SYTL1: variants seen among roughly 807,000 people sequenced by gnomAD.
SYTL1 encodes synaptotagmin-like protein 1.
In SYTL1, 53 loss-of-function variants were observed where a neutral mutation model predicts 74.6. That is an observed-to-expected ratio of 0.71 (90% CI 0.57 to 0.89). The LOEUF is 0.89. Ranked by LOEUF, SYTL1 falls within the 40% of genes least tolerant of loss-of-function variation. SYTL1 has a pLI of 0.00. For synonymous variants in SYTL1, 329 were observed against 324.9 expected (o/e 1.01, Z -0.14); for missense variants, 728 against 768.7 (o/e 0.95, Z 0.63).
rs1205371241 is a variant in SYTL1, at chr1:27,350,358, C to A, written c.909-31C>A. 1 of 1,590,112 alleles carries A rather than the reference C, an allele frequency of 6.3e-7. No homozygotes were observed. The highest frequency in any genetic ancestry group is 8.6e-7 in the Non-Finnish European group (1 of 1,158,382). On this transcript the variant is annotated intron_variant, in intron 9 of 14. Transcript: ENST00000616558. The surrounding 1 kb of genome is among the most constrained non-coding windows in gnomAD (Gnocchi z 6.3). Reference sequence around the variant, plus strand: ...GCAGGGGAGAAGGCTCTGGGAGGGCCCCTCCTCACCTCGGGTTCTCACCTC... The same window carrying A: ...GCAGGGGAGAAGGCTCTGGGAGGGCACCTCCTCACCTCGGGTTCTCACCTC...
chr1:27,349,887 A>T (rs2015177177), intron 8 of SYTL1, 85 bp from the exon 9 acceptor site: 2 of 1,538,158 alleles, frequency 1.3e-6, no homozygotes, highest in African/African-American at 2.7e-5. Context: ...GCCACCTATG[A>T]CCCGGGTCTG....
At position 27,347,468 on chromosome 1, in the gene SYTL1, C is replaced by T. The variant is rs752366338; in HGVS notation, c.239C>T (p.Thr80Ile). The T allele has an allele frequency of 6.2e-7, 1 of 1,614,132 alleles. No individual in the cohort carries two copies. Among genetic ancestry groups the T allele is most frequent in the South Asian group, 1.1e-5 (1 of 91,092 alleles). The change falls in exon 3 of 15, where the codon ACA (threonine) becomes ATA (isoleucine). Residue 80 changes from threonine (T) to isoleucine (I), a missense_variant. Physicochemically the swap from Thr to Ile is moderately conservative, Grantham distance 89. Coordinates refer to ENST00000616558, the MANE Select transcript of SYTL1 (RefSeq NM_001193308.2). The surrounding 1 kb of genome is among the most constrained non-coding windows in gnomAD (Gnocchi z 4.9). Reference sequence around the variant, plus strand: ...GACCCTGGGCAGCTGAAGATCCTGACAGGGGACTGGTTCCAGGAAGCACGC... The same window carrying T: ...GACCCTGGGCAGCTGAAGATCCTGATAGGGGACTGGTTCCAGGAAGCACGC... The part of the protein sequence containing the change: ...VADPGQLKIL[T>I]GDWFQEARSQ...
In SYTL1 at chr1:27,348,888, G is replaced by A. The variant is rs1163461787; in HGVS notation, c.460-192G>A. 6.6e-6 allele frequency among the ~76,000 whole-genome samples: 1 copy of A among 152,208 alleles called. No individual in the cohort carries two copies. The highest frequency in any genetic ancestry group is 1.5e-5 in the Non-Finnish European group (1 of 68,038). On this transcript the variant is annotated intron_variant, in intron 5 of 14. Coordinates refer to ENST00000616558, the MANE Select transcript of SYTL1 (RefSeq NM_001193308.2). The surrounding 1 kb of genome is among the most constrained non-coding windows in gnomAD (Gnocchi z 4.1). ...GGGAGTAGGGAGTCAGGCGGCACAAGCCCTGCGGGGTGGGCTGTGAAGCAC... is the reference window on the plus strand; with the variant it reads ...GGGAGTAGGGAGTCAGGCGGCACAAACCCTGCGGGGTGGGCTGTGAAGCAC...
chr1:27,350,419 G>A lies in SYTL1; in HGVS notation c.939G>A (p.Lys313=), dbSNP rs755002301. The change falls in exon 10 of 15, where the codon AAG becomes AAA. Residue 313 remains lysine (K), a synonymous_variant. Transcript: ENST00000616558. This position sits in a 1 kb window ranked among gnomAD's most constrained non-coding sequence, Gnocchi z 6.3. ...TCAAAAGCTACCTCCTCCCGGATAAGCAGAGCAAGCGCAAGACGGCGGTGA... is the reference window on the plus strand; with the variant it reads ...TCAAAAGCTACCTCCTCCCGGATAAACAGAGCAAGCGCAAGACGGCGGTGA... ...PYVKSYLLPD[K]QSKRKTAVKK... The A allele has an allele frequency of 8.7e-6, 14 of 1,614,158 alleles. No individual in the cohort carries two copies. Among genetic ancestry groups the A allele is most frequent in the Non-Finnish European group, 1.1e-5 (13 of 1,180,016 alleles).
Position 27,350,010 on chromosome 1 carries a change from G to A in SYTL1, c.786G>A (p.Glu262=). The part of the protein sequence containing the change: ...GSQMSLSGDA[E]AVQVRGSVHF... ...AGATGAGCCTGTCAGGCGACGCGGA[G>A]GCGGTGCAGGTCCGCGGCTCCGTGC... The change falls in exon 9 of 15, where the codon GAG becomes GAA. Residue 262 remains glutamate (E), a synonymous_variant. Coordinates refer to ENST00000616558, the MANE Select transcript of SYTL1 (RefSeq NM_001193308.2). This position sits in a 1 kb window ranked among gnomAD's most constrained non-coding sequence, Gnocchi z 6.3. 1 of 1,561,736 alleles carries A rather than the reference G, an allele frequency of 6.4e-7. No homozygotes were observed. The highest frequency in any genetic ancestry group is 8.6e-7 in the Non-Finnish European group (1 of 1,163,056).
rs199645658 is a variant in SYTL1 at position 27,347,552 on chromosome 1, G to C, written c.323G>C (p.Arg108Thr). Residue 108 changes from arginine (R) to threonine (T), a missense_variant, in exon 3 of 15, where the codon AGG (arginine) becomes ACG (threonine). By Grantham distance (71) the Arg-to-Thr change is moderately conservative. Transcript: ENST00000616558. The surrounding 1 kb of genome is among the most constrained non-coding windows in gnomAD (Gnocchi z 4.9). ...GSDLVRASMR[R>T]KKSTRGDQAP... ...GACCTTGTCCGAGCGTCTATGCGCA[G>C]GAAGAAGAGCACCAGGGGTGAGAGG... 2 of 1,614,050 alleles carry C rather than the reference G, an allele frequency of 1.2e-6. No homozygotes were observed. Among genetic ancestry groups the C allele is most frequent in the East Asian group, 2.2e-5 (1 of 44,884 alleles).
chr1:27,350,867 G>T lies in SYTL1; in HGVS notation c.1079G>T (p.Arg360Leu). 1 of 1,613,844 alleles carries T rather than the reference G, an allele frequency of 6.2e-7. No homozygotes were observed. The highest frequency in any genetic ancestry group is 8.5e-7 in the Non-Finnish European group (1 of 1,180,000). ...GTGTGGCACCGCGAAAGCCTGGGTCGCAACATCTTTCTGGGCGAAGTTGAA... is the reference window on the plus strand; with the variant it reads ...GTGTGGCACCGCGAAAGCCTGGGTCTCAACATCTTTCTGGGCGAAGTTGAA... ...LSVWHRESLG[R>L]NIFLGEVEVP... Residue 360 changes from arginine to leucine, a missense_variant, in exon 11 of 15, where the codon CGC becomes CTC. Physicochemically the swap from Arg to Leu is moderately radical, Grantham distance 102 (BLOSUM62 -2). Coordinates refer to ENST00000616558, the MANE Select transcript of SYTL1 (RefSeq NM_001193308.2). This position sits in a 1 kb window ranked among gnomAD's most constrained non-coding sequence, Gnocchi z 6.3.
chr1:27,351,115 C>A lies in SYTL1; in HGVS notation c.1165-143C>A. ...AAGCCCGGCCGGCCACGGCCCCTTC[C>A]CCGAGGGCGCTAGGACCCCTAGGTT... On this transcript the variant is annotated intron_variant, in intron 11 of 14. Coordinates refer to ENST00000616558, the MANE Select transcript of SYTL1 (RefSeq NM_001193308.2). The surrounding 1 kb of genome is among the most constrained non-coding windows in gnomAD (Gnocchi z 5.0). 1.5e-6 allele frequency: 2 copies of A among 1,312,400 alleles called. No individual in the cohort carries two copies. Among genetic ancestry groups the A allele is most frequent in the South Asian group, 1.4e-5 (1 of 71,220 alleles). The allele number at this position is 1,312,400 out of a possible 1,614,324, so 81.3% of individuals were successfully genotyped here.
Position 27,347,841 on chromosome 1 carries a change from A to T in SYTL1, c.374A>T (p.Glu125Val), listed in dbSNP as rs761518630. The T allele has an allele frequency of 4.5e-5, 73 of 1,613,866 alleles. No homozygotes were observed. Among genetic ancestry groups the T allele is most frequent in the Non-Finnish European group, 5.8e-5 (69 of 1,179,936 alleles). Reference protein sequence around the residue: ...DQAPGHDREAEAAVKEKEEGP... With the variant: ...DQAPGHDREAVAAVKEKEEGP... ...GCTCCAGGCCACGACAGGGAGGCTG[A>T]GGCTGCTGTGAAAGAGAAGGAAGAG... Residue 125 changes from glutamate to valine, a missense_variant, in exon 4 of 15, where the codon GAG (glutamate) becomes GTG (valine). By Grantham distance (121) the Glu-to-Val change is moderately radical (BLOSUM62 -2). Transcript: ENST00000616558. The surrounding 1 kb of genome is among the most constrained non-coding windows in gnomAD (Gnocchi z 4.9).
At position 27,345,214 on chromosome 1, in the gene SYTL1, T is replaced by G. The variant is rs928760959; in HGVS notation, c.-38-83T>G. On this transcript the variant is annotated intron_variant, in intron 1 of 14. Transcript: ENST00000616558. The surrounding 1 kb of genome is among the most constrained non-coding windows in gnomAD (Gnocchi z 6.0). ...GGCACCCTACCCATACCCGGCCAAG[T>G]GTTTGGGGAGAAAAGGGCTGTTGGT... 1.4e-5 allele frequency: 10 copies of G among 739,858 alleles called. No individual in the cohort carries two copies. Among genetic ancestry groups the G allele is most frequent in the South Asian group, 2.3e-5 (1 of 44,344 alleles). The allele number at this position is 739,858 out of a possible 1,614,324, so 45.8% of individuals were successfully genotyped here.
In SYTL1 at chr1:27,342,470, A is replaced by G; in HGVS notation, c.-39+320A>G. On this transcript the variant is annotated intron_variant, in intron 1 of 14. Transcript: ENST00000616558. This position sits in a 1 kb window ranked among gnomAD's most constrained non-coding sequence, Gnocchi z 4.7. The stretch of plus-strand genomic sequence containing the variant: ...CATGGCCCAGCTCAGGCAGGCCTGA[A>G]GGACAGAAATAGGCTCAGTTCTGCC... The G allele has an allele frequency of 2.9e-6, 1 of 349,590 alleles. No homozygotes were observed. Among genetic ancestry groups the G allele is most frequent in the Non-Finnish European group, 4.0e-6 (1 of 248,646 alleles). The allele number at this position is 349,590 out of a possible 1,614,324, so 21.7% of individuals were successfully genotyped here.
chr1:27,351,099 C>G lies in SYTL1; in HGVS notation c.1164+147C>G. On this transcript the variant is annotated intron_variant, in intron 11 of 14. Coordinates refer to ENST00000616558, the MANE Select transcript of SYTL1 (RefSeq NM_001193308.2). This position sits in a 1 kb window ranked among gnomAD's most constrained non-coding sequence, Gnocchi z 5.0. ...CTCATGGCCCCAGGCGAAGCCCGGC[C>G]GGCCACGGCCCCTTCCCCGAGGGCG... 1 of 1,318,622 alleles carries G rather than the reference C, an allele frequency of 7.6e-7. No individual in the cohort carries two copies. Among genetic ancestry groups the G allele is most frequent in the Non-Finnish European group, 1.0e-6 (1 of 971,294 alleles). The allele number at this position is 1,318,622 out of a possible 1,614,324, so 81.7% of individuals were successfully genotyped here. A position where few individuals can be genotyped will look rare whatever the true frequency, so the allele number is the denominator to read the frequency against.
At chr1:27,353,625 A>G in intron 14 of SYTL1, 88 bp from the exon 15 acceptor site, 1 of 1,563,408 alleles carries the variant, frequency 6.4e-7, no homozygotes, top group Non-Finnish European at 8.7e-7. Context: ...AACGGGGGAC[A>G]GTGCATAATC....
In SYTL1 at chr1:27,345,962, G is replaced by C. The variant is rs2148030078; in HGVS notation, c.191+437G>C. ...TGCCCAGCTAATTTTTGTATTTTTAGTAGAGATGGGTTTTCGCCATGTTGG... is the reference window on the plus strand; with the variant it reads ...TGCCCAGCTAATTTTTGTATTTTTACTAGAGATGGGTTTTCGCCATGTTGG... On this transcript the variant is annotated intron_variant, in intron 2 of 14. Transcript: ENST00000616558. This position sits in a 1 kb window ranked among gnomAD's most constrained non-coding sequence, Gnocchi z 6.0. 6.6e-6 allele frequency among the ~76,000 whole-genome samples: 1 copy of C among 152,210 alleles called. No individual in the cohort carries two copies. The highest frequency in any genetic ancestry group is 2.4e-5 in the African/African-American group (1 of 41,534).
chr1:27,352,796 T>A (rs4316383), intron 13 of SYTL1: 41,409 of 150,856 alleles, frequency 0.27, 5,858 homozygotes, highest in Middle Eastern at 0.46. Flanking sequence ...GCTATTATTA[T>A]TTTTTTTAAG....
In SYTL1 at chr1:27,349,785, A is replaced by G. The variant is rs940003201; in HGVS notation, c.747+20A>G. 1.8e-5 allele frequency: 28 copies of G among 1,578,318 alleles called. No individual in the cohort carries two copies. The highest frequency in any genetic ancestry group is 2.4e-5 in the Non-Finnish European group (28 of 1,169,560). ...TCCACGGTGAGGCGGGAGGGAGGGG[A>G]CCCGGGCGGCCGGGGGGTGGACCCG... On this transcript the variant is annotated intron_variant, in intron 8 of 14. Coordinates refer to ENST00000616558, the MANE Select transcript of SYTL1 (RefSeq NM_001193308.2).
chr1:27,349,891 G>T, intron 8 of SYTL1, 81 bp from the exon 9 acceptor site: 1 of 1,539,638 alleles, frequency 6.5e-7, no homozygotes, highest in Non-Finnish European at 8.7e-7. Context: ...CCTATGACCC[G>T]GGTCTGAAGC....
chr1:27,349,513 C>T lies in SYTL1; in HGVS notation c.633+15C>T. 1 of 1,458,360 alleles carries T rather than the reference C, an allele frequency of 6.9e-7. No homozygotes were observed. Among genetic ancestry groups the T allele is most frequent in the Non-Finnish European group, 9.1e-7 (1 of 1,104,356 alleles). 90.3% of individuals were successfully genotyped at this position (1,458,360 alleles called of 1,614,324 possible). On this transcript the variant is annotated intron_variant, in intron 7 of 14. Transcript: ENST00000616558. ...AGCAAGCCCAGGTAGGCGGGAGTGG[C>T]CCGTGGCTGCTCTCAACATCCGGAG...
chr1:27,346,787 T>TA (rs2015021599), intron 2 of SYTL1, among the ~76,000 whole-genome samples: 2 of 150,954 alleles, frequency 1.3e-5, no homozygotes, highest in South Asian at 4.2e-4. Flanking sequence ...ATTAAAAGTA[T>TA]AATAATTATT....
Sources: gnomAD v4.1 joint callset for allele counts (sites outside exome capture counted in the v4.1 genomes callset) on GRCh38, gnomAD v4.1.1 for gene constraint, Gnocchi (gnomAD v3.1) non-coding constraint, MANE v1.5 for transcripts, NCBI Gene and HGNC (gene_info 2026-07-23, HGNC 2026-07-21) for gene names.